The following SMG1 variants were observed in gnomAD, a reference collection of about 807,000 sequenced individuals.
SMG1 encodes serine/threonine-protein kinase SMG1.
Under a neutral mutation model 419.9 loss-of-function variants are expected in SMG1, and 22 were observed. That is an observed-to-expected ratio of 0.05 (90% CI 0.04 to 0.07). The LOEUF is 0.07. SMG1 is among the 10% of genes least tolerant of loss of function. SMG1 has a pLI of 1.00. For missense variants in SMG1, 3,185 were observed against 4,342.0 expected, an observed-to-expected ratio of 0.73 and a Z score of 7.49; for synonymous variants, 1,538 against 1,553.5, an observed-to-expected ratio of 0.99 and a Z score of 0.23.
intron 1 of SMG1, among the ~76,000 whole-genome samples, chr16:18,898,502 GAA>G (rs1267624073): frequency 3.9e-5 from 6 of 152,038 alleles, no homozygotes; most frequent in Admixed American, 3.9e-4. Context: ...TTAAACTAAT[GAA>G]AAGACATTCC....
At chr16:18,904,783 A>G (rs2037494024) in intron 1 of SMG1, among the ~76,000 whole-genome samples, 1 of 151,766 alleles carries the variant, frequency 6.6e-6, no homozygotes, top group Admixed American at 6.6e-5. Flanking sequence ...AAAAATACAA[A>G]TATCAGCCAG....
At chr16:18,911,364 T>C (rs2037785457) in intron 1 of SMG1, 1 of 151,668 alleles carries the variant, frequency 6.6e-6, no homozygotes, top group South Asian at 2.1e-4. Context: ...AAAAATTACC[T>C]GGGTGTGGTG....
rs767006372 is a variant in SMG1 at position 18,849,328 on chromosome 16, G to A, written c.5512C>T (p.Arg1838Cys). 1.4e-5 allele frequency: 23 copies of A among 1,613,618 alleles called. No homozygotes were observed. Among genetic ancestry groups the A allele is most frequent in the East Asian group, 1.3e-4 (6 of 44,880 alleles). The change falls in exon 36 of 63, where the codon CGC becomes TGC. Residue 1838 changes from arginine to cysteine, a missense_variant. Arg to Cys is a radical substitution (Grantham distance 180, BLOSUM62 -3). This residue lies in a region of SMG1 where 11 missense variants were observed against 35.5 expected (regional missense o/e 0.31). Coordinates refer to ENST00000446231, the MANE Select transcript of SMG1 (RefSeq NM_015092.5). Reference protein sequence around the residue: ...SRLNHPEVYVRQSICNLLCRV... With the variant: ...SRLNHPEVYVCQSICNLLCRV... ...CAGAGAAGGTTACAAATACTTTGGC[G>A]CACATACACTTCAGGGTGGTTTAAG...
intron 51 of SMG1, among the ~76,000 whole-genome samples, chr16:18,831,195 C>T (rs1158691148): frequency 6.6e-6 from 1 of 151,902 alleles, no homozygotes; most frequent in African/African-American, 2.4e-5. Context: ...TTTCTTATCA[C>T]ACACACACAC....
chr16:18,863,189 G>A (rs113847455), intron 25 of SMG1, among the ~76,000 whole-genome samples: 5 of 152,346 alleles, frequency 3.3e-5, no homozygotes, highest in South Asian at 4.1e-4. Flanking sequence ...AGTGTCTGCA[G>A]CAGAGTGAGT....
At chr16:18,862,977 C>T (rs1469729584) in intron 25 of SMG1, among the ~76,000 whole-genome samples, 1 of 152,218 alleles carries the variant, frequency 6.6e-6, no homozygotes, top group Non-Finnish European at 1.5e-5. Context: ...CCTTATGGCA[C>T]AGAAAAGGTG....
Position 18,877,144 on chromosome 16 carries a change from T to G in SMG1, c.1607A>C (p.His536Pro). ...PSSKLLFLRY[H>P]KEKEVVAVAH... ...TGTATTACTTACCTCTTTTTCTTTA[T>G]GATAACGCAAGAATAGTAGTTTAGA... Residue 536 changes from histidine (H) to proline (P), a missense_variant, in exon 12 of 63, where the codon CAT (histidine) becomes CCT (proline). Physicochemically the swap from His to Pro is moderately conservative, Grantham distance 77. This residue lies in a region of SMG1 where 297 missense variants were observed against 491.0 expected (regional missense o/e 0.60). Transcript: ENST00000446231. The G allele has an allele frequency of 6.5e-7, 1 of 1,548,668 alleles. No homozygotes were observed. Among genetic ancestry groups the G allele is most frequent in the Non-Finnish European group, 8.7e-7 (1 of 1,149,870 alleles).
chr16:18,827,316 C>A (rs1032793538), intron 55 of SMG1, among the ~76,000 whole-genome samples: 1 of 151,710 alleles, frequency 6.6e-6, no homozygotes, highest in Non-Finnish European at 1.5e-5. Flanking sequence ...GTCCCAGCTA[C>A]TTCAGAGGCT....
intron 29 of SMG1, chr16:18,856,514 T>C (rs2034919415): frequency 6.6e-6 from 1 of 152,082 alleles, no homozygotes. Context: ...TTTTTTTGTA[T>C]TTTTAGTAGA....
intron 11 of SMG1, chr16:18,879,210 G>A: frequency 4.7e-6 from 2 of 421,056 alleles, no homozygotes; most frequent in South Asian, 2.1e-5. Context: ...CAAGTTCCTG[G>A]GCTTAATCGA....
At chr16:18,922,590 G>C (rs1370156727) in intron 1 of SMG1, among the ~76,000 whole-genome samples, 2 of 152,052 alleles carry the variant, frequency 1.3e-5, no homozygotes, top group South Asian at 2.1e-4. Flanking sequence ...TCAGCCTCCC[G>C]AGTAACTGGG....
rs534080467 is a variant in SMG1 at position 18,901,276 on chromosome 16, T to G, written c.93-4320A>C. Among the ~76,000 whole-genome samples the G allele has an allele frequency of 2.6e-5, 4 of 152,220 alleles. No individual in the cohort carries two copies. The East Asian group carries it at 7.7e-4, about 29-fold the overall frequency. On this transcript the variant is annotated intron_variant, in intron 1 of 62. Transcript: ENST00000446231. ...TCTCACTCTGTCACCCAGGCTGGAG[T>G]GCACTGGCATGACCATAGCTCACTG...
Position 18,829,283 on chromosome 16 carries a change from T to C in SMG1, c.9603+3A>G. ...AAAACACATTATAAACAAAAACACT[T>C]ACCTGAAACATGGCAATATGCAGCT... On this transcript the variant is annotated splice_donor_region_variant and intron_variant, in intron 54 of 62. Coordinates refer to ENST00000446231, the MANE Select transcript of SMG1 (RefSeq NM_015092.5). 6 of 1,604,636 alleles carry C rather than the reference T, an allele frequency of 3.7e-6. No homozygotes were observed. Among genetic ancestry groups the C allele is most frequent in the Non-Finnish European group, 5.1e-6 (6 of 1,173,266 alleles).
intron 29 of SMG1, among the ~76,000 whole-genome samples, chr16:18,855,138 CT>C (rs1405498555): frequency 6.6e-6 from 1 of 152,180 alleles, no homozygotes; most frequent in Non-Finnish European, 1.5e-5. Flanking sequence ...CAAGAAATTT[CT>C]TTTTAGTTTC....
At chr16:18,916,093 GA>G (rs71141095) in intron 1 of SMG1, among the ~76,000 whole-genome samples, 19,836 of 105,628 alleles carry the variant, frequency 0.19, 1,221 homozygotes, top group Middle Eastern at 0.28. Context: ...AAAAAAACCA[GA>G]AAAAAAAAAA....
At chr16:18,909,011 A>G (rs2037691121) in intron 1 of SMG1, among the ~76,000 whole-genome samples, 1 of 152,100 alleles carries the variant, frequency 6.6e-6, no homozygotes. Flanking sequence ...CATGTTTATA[A>G]GATTTTCTAA....
chr16:18,919,664 AC>A (rs2038116840), intron 1 of SMG1, among the ~76,000 whole-genome samples: 1 of 28,500 alleles, frequency 3.5e-5, no homozygotes, highest in African/African-American at 9.3e-5. Flanking sequence ...ATATACACAC[AC>A]ACACACACAC....
intron 1 of SMG1, among the ~76,000 whole-genome samples, chr16:18,897,204 A>C (rs1292583470): frequency 3.3e-5 from 5 of 152,206 alleles, no homozygotes; most frequent in Admixed American, 6.5e-5. Flanking sequence ...AAATATGAAC[A>C]ACTACTGGGA....
At chr16:18,853,265 G>A (rs2034701186) in intron 31 of SMG1, among the ~76,000 whole-genome samples, 1 of 152,034 alleles carries the variant, frequency 6.6e-6, no homozygotes, top group Non-Finnish European at 1.5e-5. Flanking sequence ...CAATCAATAG[G>A]AACACAGGTA....
Sources: gnomAD v4.1 joint callset for allele counts (sites outside exome capture counted in the v4.1 genomes callset) on GRCh38, gnomAD v4.1.1 for gene constraint, gnomAD v4.1.1 regional missense constraint, MANE v1.5 for transcripts, NCBI Gene and HGNC (gene_info 2026-07-23, HGNC 2026-07-21) for gene names.